The following LEPR variants were observed in gnomAD, a reference collection of about 807,000 sequenced individuals.
LEPR encodes leptin receptor.
A neutral mutation model predicts 114.7 loss-of-function variants in LEPR; 56 were observed. The observed-to-expected ratio is 0.49, with a 90% CI of 0.39 to 0.61. The LOEUF (loss-of-function observed/expected upper bound fraction) is 0.61, where lower values mean the gene tolerates loss of function less well. Among genes scored for constraint, LEPR ranks in the 20% least tolerant of loss-of-function variants. LEPR has a pLI of 0.00. For missense variants in LEPR, 1,202 were observed against 1,352.9 expected, an observed-to-expected ratio of 0.89 and a Z score of 1.75; for synonymous variants, 443 against 461.4, an observed-to-expected ratio of 0.96 and a Z score of 0.51.
chr1:65,543,027 G>T (rs12082008), intron 2 of LEPR, among the ~76,000 whole-genome samples: 44,294 of 151,608 alleles, frequency 0.29, 6,825 homozygotes, highest in Non-Finnish European at 0.32. Flanking sequence ...GATCCCTGAA[G>T]AATTGTCATA....
At chr1:65,427,876 A>G (rs1431593939) in intron 2 of LEPR, 2 of 249,972 alleles carry the variant, frequency 8.0e-6, no homozygotes, top group Non-Finnish European at 1.7e-5. Context: ...CCTGGCCTCA[A>G]GTCATCCTCC....
At chr1:65,455,763 G>A (rs576496024) in intron 2 of LEPR, among the ~76,000 whole-genome samples, 46 of 152,344 alleles carry the variant, frequency 3.0e-4, no homozygotes, top group Admixed American at 8.5e-4. Flanking sequence ...CCCAGAGGTG[G>A]AGCCTACAGA....
Position 65,616,126 on chromosome 1 carries a change from G to A in LEPR, c.2114G>A (p.Trp705Ter). ...VGNHTKFTFL[W>*]TEQAHTVTVL... ...AATCACACGAAATTCACTTTCCTGT[G>A]GACAGAGCAAGCACATACTGTTACG... is the stretch of plus-strand genomic sequence containing the variant. The change falls in exon 15 of 20, where the codon TGG becomes TAG. Residue 705 changes from tryptophan to a stop codon, truncating the protein, a stop_gained. Coordinates refer to ENST00000349533, the MANE Select transcript of LEPR (RefSeq NM_002303.6). LOFTEE classifies it high-confidence loss of function. 1 of 1,614,124 alleles carries A rather than the reference G, an allele frequency of 6.2e-7. No individual in the cohort carries two copies. The highest frequency in any genetic ancestry group is 8.5e-7 in the Non-Finnish European group (1 of 1,180,004).
At chr1:65,592,248 A>ATTTT (rs58700529) in intron 5 of LEPR, among the ~76,000 whole-genome samples, 2 of 117,776 alleles carry the variant, frequency 1.7e-5, no homozygotes, top group Non-Finnish European at 3.5e-5. Context: ...ATCTGCTGTC[A>ATTTT]TTTTTTTTTT....
At chr1:65,426,242 A>C (rs1024076202) in intron 2 of LEPR, among the ~76,000 whole-genome samples, 3 of 134,280 alleles carry the variant, frequency 2.2e-5, no homozygotes, top group African/African-American at 1.2e-4. Context: ...GAGACATGAA[A>C]GTGTATATAG....
chr1:65,435,253 T>C, intron 2 of LEPR: 1 of 983,972 alleles, frequency 1.0e-6, no homozygotes, highest in Non-Finnish European at 1.2e-6. Context: ...ACCTCTGAGG[T>C]ATCTCCTCAA....
chr1:65,448,107 T>A (rs1352868474), intron 2 of LEPR, among the ~76,000 whole-genome samples: 1 of 152,218 alleles, frequency 6.6e-6, no homozygotes, highest in Non-Finnish European at 1.5e-5. Flanking sequence ...TTGATCTTGG[T>A]GAGAAAGCCT....
chr1:65,623,175 G>C (rs1657988367), intron 19 of LEPR, 194 bp downstream of exon 19: 2 of 598,238 alleles, frequency 3.3e-6, no homozygotes, highest in Non-Finnish European at 5.8e-6. Context: ...ACAAATTTCA[G>C]CGCATAGTTT....
At chr1:65,603,435 G>T (rs1454380627) in intron 10 of LEPR, among the ~76,000 whole-genome samples, 1 of 152,106 alleles carries the variant, frequency 6.6e-6, no homozygotes, top group Non-Finnish European at 1.5e-5. Flanking sequence ...GAAAATGACA[G>T]AAGAATATAG....
At chr1:65,484,472 G>A (rs751998966) in intron 2 of LEPR, among the ~76,000 whole-genome samples, 3 of 151,838 alleles carry the variant, frequency 2.0e-5, no homozygotes, top group Non-Finnish European at 2.9e-5. Context: ...GTTGTCACAC[G>A]TCCAAGGTTT....
At chr1:65,475,879 G>A (rs1647152865) in intron 2 of LEPR, among the ~76,000 whole-genome samples, 1 of 151,816 alleles carries the variant, frequency 6.6e-6, no homozygotes, top group Non-Finnish European at 1.5e-5. Flanking sequence ...AGCTGGGCAT[G>A]GTGGTGTGTG....
Position 65,593,547 on chromosome 1 carries a change from T to C in LEPR, c.703+682T>C, listed in dbSNP as rs1272727092. ...TAATTTAGCAGTTTTTCTCCACTTA[T>C]ATTTCCTGAAACAATTATATGCAAA... On this transcript the variant is annotated intron_variant, in intron 6 of 19. Coordinates refer to ENST00000349533, the MANE Select transcript of LEPR (RefSeq NM_002303.6). 3.3e-5 allele frequency among the ~76,000 whole-genome samples: 5 copies of C among 152,144 alleles called. No individual in the cohort carries two copies. The East Asian group carries it at 7.7e-4, about 23-fold the overall frequency.
At position 65,592,853 on chromosome 1, in the gene LEPR, C is replaced by T. The variant is rs776647803; in HGVS notation, c.691C>T (p.Pro231Ser). 14 of 1,612,786 alleles carry T rather than the reference C, an allele frequency of 8.7e-6. No individual in the cohort carries two copies. The Admixed American group carries it at 2.2e-4, about 25-fold the overall frequency. The stretch of plus-strand genomic sequence containing the variant: ...CCAGTCACCTCTAATGTCAGTTCAG[C>T]CCATAAATATGGGTAAGTTATGCAC... ...IFQSPLMSVQ[P>S]INMVKPDPPL... The change falls in exon 6 of 20, where the codon CCC becomes TCC. Residue 231 changes from proline to serine, a missense_variant. By Grantham distance (74) the Pro-to-Ser change is moderately conservative. Transcript: ENST00000349533.
intron 11 of LEPR, 44 bp downstream of exon 11, chr1:65,605,281 G>T (rs372651658): frequency 6.2e-7 from 1 of 1,605,758 alleles, no homozygotes; most frequent in African/African-American, 1.3e-5. Flanking sequence ...TAGCAGATTT[G>T]TATGCAGATT....
rs1553157734 is a variant in LEPR, at chr1:65,488,226, C to CTCTCTCTTTCTTTCTTTCTTTCTT, written c.-21+62851_-21+62852insCTCTTTCTTTCTTTCTTTCTTTCT. On this transcript the variant is annotated intron_variant, in intron 2 of 19. Coordinates refer to ENST00000349533, the MANE Select transcript of LEPR (RefSeq NM_002303.6). ...TTTCTTTCTTTCTCTCTCTCTCTCT[C>CTCTCTCTTTCTTTCTTTCTTTCTT]TCTTTCTTTCTTTCTTTCTTTCTTT... 5.2e-4 allele frequency among the ~76,000 whole-genome samples: 35 copies of CTCTCTCTTTCTTTCTTTCTTTCTT among 67,952 alleles called. 1 individual carries two copies. The highest frequency in any genetic ancestry group is 3.4e-3 in the South Asian group (6 of 1,750). 44.6% of individuals were successfully genotyped at this position (67,952 alleles called of 152,430 possible). A position where few individuals can be genotyped will look rare whatever the true frequency, so the allele number is the denominator to read the frequency against.
intron 2 of LEPR, among the ~76,000 whole-genome samples, chr1:65,500,752 G>C (rs1648405398): frequency 6.6e-6 from 1 of 152,020 alleles, no homozygotes; most frequent in African/African-American, 2.4e-5. Context: ...TTAAGTGCTT[G>C]GGGAGTCAAA....
intron 2 of LEPR, among the ~76,000 whole-genome samples, chr1:65,470,032 A>T (rs967638162): frequency 6.6e-6 from 1 of 152,110 alleles, no homozygotes; most frequent in Non-Finnish European, 1.5e-5. Context: ...TTCTGGGGGG[A>T]AATGTTTCCC....
chr1:65,621,502 C>T lies in LEPR; in HGVS notation c.2597+44C>T, dbSNP rs375480072. On this transcript the variant is annotated intron_variant, in intron 18 of 19. Transcript: ENST00000349533. ...AGAATCTTTACGGCAAAAGTCCTTA[C>T]GCGTATTCAAACCCTGATTTAAAAC... 5.1e-5 allele frequency: 78 copies of T among 1,524,922 alleles called. No individual in the cohort carries two copies. The African/African-American group carries it at 5.3e-4, about 10-fold the overall frequency. 94.5% of individuals were successfully genotyped at this position (1,524,922 alleles called of 1,614,324 possible).
intron 2 of LEPR, among the ~76,000 whole-genome samples, chr1:65,470,916 T>C (rs545518713): frequency 1.3e-5 from 2 of 152,172 alleles, no homozygotes; most frequent in African/African-American, 2.4e-5. Flanking sequence ...TTGATAGTCA[T>C]TTGGGAGCAG....
Sources: gnomAD v4.1 joint callset for allele counts (sites outside exome capture counted in the v4.1 genomes callset) on GRCh38, gnomAD v4.1.1 for gene constraint, MANE v1.5 for transcripts, NCBI Gene and HGNC (gene_info 2026-07-23, HGNC 2026-07-21) for gene names.